Variants in FBLN2 observed in about 807,000 individuals in gnomAD.
The protein encoded by FBLN2 is fibulin-2.
In FBLN2, 81 loss-of-function variants were observed where a neutral mutation model predicts 123.7. That is an observed-to-expected ratio of 0.65 (90% CI 0.55 to 0.79). The LOEUF (loss-of-function observed/expected upper bound fraction) is 0.79, where lower values mean the gene tolerates loss of function less well. FBLN2 is among the 30% of genes least tolerant of loss of function. The pLI is 0.00. For synonymous variants in FBLN2, 699 were observed against 701.4 expected (o/e 1.00, Z 0.05); for missense variants, 1,603 against 1,681.3 (o/e 0.95, Z 0.81).
At position 13,633,954 on chromosome 3, in the gene FBLN2, A is replaced by AACACACAC. The variant is rs56947028; in HGVS notation, c.3215-2457_3215-2450dup. On this transcript the variant is annotated intron_variant, in intron 16 of 17. Coordinates refer to ENST00000404922, the MANE Select transcript of FBLN2 (RefSeq NM_001004019.2). ...CCTTAGCAGATATAAACACACTGCA[A>AACACACAC]ACACACACACACACACACACACACA... Among the ~76,000 whole-genome samples, 928 of 112,892 alleles carry AACACACAC rather than the reference A, an allele frequency of 8.2e-3. 26 individuals carry two copies. Among genetic ancestry groups the AACACACAC allele is most frequent in the African/African-American group, 0.024 (683 of 28,544 alleles). The allele number at this position is 112,892 out of a possible 152,430, so 74.1% of individuals were successfully genotyped here.
chr3:13,593,704 A>C (rs1425777694), intron 2 of FBLN2, among the ~76,000 whole-genome samples: 1 of 135,392 alleles, frequency 7.4e-6, no homozygotes, highest in African/African-American at 2.9e-5. Context: ...ACAGAGTGAG[A>C]CTCTATCTCA....
At chr3:13,572,212 G>A (rs1358057008) in intron 2 of FBLN2, among the ~76,000 whole-genome samples, 4 of 152,346 alleles carry the variant, frequency 2.6e-5, no homozygotes, top group Middle Eastern at 3.4e-3. Context: ...AAGTGAACTC[G>A]TGGACAGAGG....
chr3:13,576,764 G>C (rs1704160670), intron 2 of FBLN2, among the ~76,000 whole-genome samples: 2 of 149,980 alleles, frequency 1.3e-5, no homozygotes, highest in African/African-American at 2.5e-5. Flanking sequence ...AGTATTTATA[G>C]CGCTCCAACT....
chr3:13,598,838 C>CA (rs956563228), intron 2 of FBLN2, among the ~76,000 whole-genome samples: 2 of 152,174 alleles, frequency 1.3e-5, no homozygotes, highest in Admixed American at 1.3e-4. Context: ...TGAGTGAAGT[C>CA]AGAGGAGGGA....
At chr3:13,618,425 C>A in intron 6 of FBLN2, 140 bp downstream of exon 6, 1 of 747,068 alleles carries the variant, frequency 1.3e-6, no homozygotes, top group Non-Finnish European at 2.1e-6. Flanking sequence ...CCTGAAGCTT[C>A]CAGTGATGGG....
chr3:13,628,894 T>G lies in FBLN2; in HGVS notation c.2570-11T>G. 6.2e-7 allele frequency: 1 copy of G among 1,610,820 alleles called. No homozygotes were observed. The highest frequency in any genetic ancestry group is 8.5e-7 in the Non-Finnish European group (1 of 1,178,122). Reference sequence around the variant, plus strand: ...TGCCGGGCTCCCTGTCACCTACACCTGCCTCTGCAGACATCAACGAGTGCA... The same window carrying G: ...TGCCGGGCTCCCTGTCACCTACACCGGCCTCTGCAGACATCAACGAGTGCA... On this transcript the variant is annotated splice_polypyrimidine_tract_variant and intron_variant, in intron 11 of 17. Coordinates refer to ENST00000404922, the MANE Select transcript of FBLN2 (RefSeq NM_001004019.2).
intron 1 of FBLN2, among the ~76,000 whole-genome samples, chr3:13,557,264 G>C (rs1272237577): frequency 6.6e-6 from 1 of 152,228 alleles, no homozygotes; most frequent in East Asian, 1.9e-4. Context: ...TGCCCTAGGA[G>C]GGGTCTAGTC....
At chr3:13,614,231 G>A in intron 5 of FBLN2, 67 bp downstream of exon 5, 1 of 1,497,022 alleles carries the variant, frequency 6.7e-7, no homozygotes, top group East Asian at 2.3e-5. Flanking sequence ...GCCTTCTGTG[G>A]GGACCCTGGG....
intron 1 of FBLN2, among the ~76,000 whole-genome samples, chr3:13,559,883 T>TC (rs1444809286): frequency 1.3e-5 from 2 of 151,890 alleles, no homozygotes; most frequent in South Asian, 2.1e-4. Flanking sequence ...GGATTAGGAC[T>TC]CCCCCCGCCC....
chr3:13,562,356 C>CTTTTTTTTTTT lies in FBLN2; in HGVS notation c.-41-7951_-41-7941dup, dbSNP rs377434279. Among the ~76,000 whole-genome samples the CTTTTTTTTTTT allele has an allele frequency of 1.5e-5, 2 of 135,164 alleles. 1 individual carries two copies. The allele number at this position is 135,164 out of a possible 152,430, so 88.7% of individuals were successfully genotyped here. ...TAAAATATACGTAACATGAAGTTTA[C>CTTTTTTTTTTT]TTTTTTTTTTTTTTTTTTGTGACGG... On this transcript the variant is annotated intron_variant, in intron 1 of 17. Coordinates refer to ENST00000404922, the MANE Select transcript of FBLN2 (RefSeq NM_001004019.2).
At chr3:13,625,809 T>C (rs982495450) in intron 9 of FBLN2, among the ~76,000 whole-genome samples, 1 of 151,076 alleles carries the variant, frequency 6.6e-6, no homozygotes, top group Non-Finnish European at 1.5e-5. Context: ...CCACTTTCTC[T>C]TCTGCTTGGA....
In FBLN2 at chr3:13,570,445, G is replaced by A; in HGVS notation, c.90G>A (p.Arg30=). The A allele has an allele frequency of 6.4e-7, 1 of 1,573,356 alleles. No individual in the cohort carries two copies. The highest frequency in any genetic ancestry group is 8.6e-7 in the Non-Finnish European group (1 of 1,160,822). Reference sequence around the variant, plus strand: ...CCAGCGTGGCCGCAGCTGCCCCTCGGCAGGACTGCACGGGCGTGGAGTGCC... The same window carrying A: ...CCAGCGTGGCCGCAGCTGCCCCTCGACAGGACTGCACGGGCGTGGAGTGCC... ...LGPSVAAAAP[R]QDCTGVECPP... is the part of the protein sequence containing the mutation. The change falls in exon 2 of 18, where the codon CGG becomes CGA. Residue 30 remains arginine, a synonymous_variant. Transcript: ENST00000404922.
Position 13,570,590 on chromosome 3 carries a change from G to C in FBLN2, c.235G>C (p.Val79Leu). The C allele has an allele frequency of 6.3e-7, 1 of 1,579,604 alleles. No individual in the cohort carries two copies. Among genetic ancestry groups the C allele is most frequent in the Non-Finnish European group, 8.6e-7 (1 of 1,163,826 alleles). The change falls in exon 2 of 18, where the codon GTG (valine) becomes CTG (leucine). Residue 79 changes from valine to leucine, a missense_variant. Physicochemically the swap from Val to Leu is conservative, Grantham distance 32. Coordinates refer to ENST00000404922, the MANE Select transcript of FBLN2 (RefSeq NM_001004019.2). ...QYYDCLQGGF[V>L]RGRVPAGQSY... is the part of the protein sequence containing the mutation. ...CTATGACTGCCTACAGGGTGGCTTC[G>C]TGCGCGGCCGCGTGCCCGCCGGTCA...
At chr3:13,593,575 G>A (rs1251379417) in intron 2 of FBLN2, among the ~76,000 whole-genome samples, 8 of 152,044 alleles carry the variant, frequency 5.3e-5, no homozygotes, top group Admixed American at 4.6e-4. Flanking sequence ...TTAGCCGGGC[G>A]TGGTGGTGTG....
Position 13,570,754 on chromosome 3 carries a change from G to T in FBLN2, c.399G>T (p.Gln133His), listed in dbSNP as rs1170448202. Residue 133 changes from glutamine (Q) to histidine (H), a missense_variant, in exon 2 of 18, where the codon CAG becomes CAT. Transcript: ENST00000404922. ...TAGTGGTGGCTGACAGCTGCCCACA[G>T]TGCGGCCAGGTGGGCTGCGTCCACG... is the stretch of plus-strand genomic sequence containing the variant. ...EAVVVADSCP[Q>H]CGQVGCVHAG... The T allele has an allele frequency of 2.8e-5, 45 of 1,601,362 alleles. No homozygotes were observed. Among genetic ancestry groups the T allele is most frequent in the Non-Finnish European group, 3.8e-5 (45 of 1,174,788 alleles).
At chr3:13,631,760 C>T (rs1706266934) in intron 16 of FBLN2, among the ~76,000 whole-genome samples, 1 of 152,214 alleles carries the variant, frequency 6.6e-6, no homozygotes, top group Admixed American at 6.5e-5. Context: ...CGAAGCCTGC[C>T]CAGTGAGGAG....
chr3:13,629,850 G>T lies in FBLN2; in HGVS notation c.2873G>T (p.Arg958Leu). 6.3e-7 allele frequency: 1 copy of T among 1,586,706 alleles called. No individual in the cohort carries two copies. The part of the protein sequence containing the change: ...DVNECWASPG[R>L]LCQHTCENTL... ...AATGAGTGCTGGGCCTCGCCAGGCCGCCTGTGCCAGCACACGTGTGAGAAC... is the reference window on the plus strand; with the variant it reads ...AATGAGTGCTGGGCCTCGCCAGGCCTCCTGTGCCAGCACACGTGTGAGAAC... Residue 958 changes from arginine to leucine, a missense_variant, in exon 14 of 18, where the codon CGC becomes CTC. Coordinates refer to ENST00000404922, the MANE Select transcript of FBLN2 (RefSeq NM_001004019.2).
intron 2 of FBLN2, among the ~76,000 whole-genome samples, chr3:13,582,710 C>T (rs1704372448): frequency 1.3e-5 from 2 of 152,240 alleles, no homozygotes; most frequent in South Asian, 4.1e-4. Flanking sequence ...TGGGGCGGTC[C>T]TGTTAGTCTC....
intron 2 of FBLN2, among the ~76,000 whole-genome samples, chr3:13,591,372 A>G (rs185650235): frequency 3.5e-4 from 53 of 152,378 alleles, no homozygotes; most frequent in African/African-American, 1.3e-3. Flanking sequence ...AAATGTTGTC[A>G]TCTGAGGAAC....
Sources: allele counts gnomAD v4.1 joint callset (sites outside exome capture counted in the v4.1 genomes callset), GRCh38; gene constraint gnomAD v4.1.1; transcripts MANE v1.5; gene names NCBI Gene and HGNC (gene_info 2026-07-23, HGNC 2026-07-21).